Variants in PARVA observed in about 807,000 individuals in gnomAD.
PARVA encodes alpha-parvin.
PARVA carries 25 observed loss-of-function variants against 52.6 expected under a neutral mutation model. That is an observed-to-expected ratio of 0.48 (90% confidence interval 0.35 to 0.66). The LOEUF (loss-of-function observed/expected upper bound fraction) is 0.66. Among genes scored for constraint, PARVA ranks in the 30% least tolerant of loss-of-function variants. The pLI, the probability that PARVA is intolerant of heterozygous loss-of-function variation, is 0.01. For missense variants in PARVA, 373 were observed against 450.9 expected (o/e 0.83, Z 1.56); for synonymous variants, 185 against 179.1 (o/e 1.03, Z -0.26).
chr11:12,446,247 T>C (rs963914145), intron 1 of PARVA, among the ~76,000 whole-genome samples: 3 of 152,142 alleles, frequency 2.0e-5, no homozygotes, highest in Non-Finnish European at 2.9e-5. Context: ...AGTAGACAAT[T>C]CACACAGCTG....
chr11:12,405,416 A>G (rs1939888558), intron 1 of PARVA, among the ~76,000 whole-genome samples: 1 of 152,138 alleles, frequency 6.6e-6, no homozygotes, highest in Non-Finnish European at 1.5e-5. Flanking sequence ...AGTATAAAGA[A>G]AAGCCAGGAG....
chr11:12,488,891 A>G (rs1941196220), intron 4 of PARVA, among the ~76,000 whole-genome samples: 1 of 152,200 alleles, frequency 6.6e-6, no homozygotes, highest in South Asian at 2.1e-4. Context: ...GACCACAAAG[A>G]ACTCCCAGAG....
intron 1 of PARVA, among the ~76,000 whole-genome samples, chr11:12,442,071 C>G (rs1443454237): frequency 1.3e-5 from 2 of 152,206 alleles, no homozygotes; most frequent in East Asian, 3.9e-4. Context: ...CCAATCCAAA[C>G]TTTACTTGAT....
intron 1 of PARVA, among the ~76,000 whole-genome samples, chr11:12,467,942 A>AT (rs1940877436): frequency 6.6e-6 from 1 of 152,126 alleles, no homozygotes; most frequent in African/African-American, 2.4e-5. Flanking sequence ...GCACATTTAT[A>AT]TTCCCTGTGC....
At chr11:12,384,635 A>G (rs1177364238) in intron 1 of PARVA, among the ~76,000 whole-genome samples, 1 of 152,208 alleles carries the variant, frequency 6.6e-6, no homozygotes, top group East Asian at 1.9e-4. Flanking sequence ...TTGAGTCCCA[A>G]TCTGAAGGAA....
intron 8 of PARVA, among the ~76,000 whole-genome samples, chr11:12,512,781 A>G (rs1307544723): frequency 6.6e-6 from 1 of 152,158 alleles, no homozygotes; most frequent in African/African-American, 2.4e-5. Context: ...ACTAAGGCAC[A>G]AAGAGTTGAA....
At chr11:12,423,717 T>C (rs7940867) in intron 1 of PARVA, among the ~76,000 whole-genome samples, 28,159 of 152,144 alleles carry the variant, frequency 0.19, 4,658 homozygotes, top group African/African-American at 0.44. Flanking sequence ...TATTAAATGG[T>C]GATTCCGACA....
chr11:12,385,478 A>G (rs1277810231), intron 1 of PARVA, among the ~76,000 whole-genome samples: 1 of 152,226 alleles, frequency 6.6e-6, no homozygotes, highest in East Asian at 1.9e-4. Context: ...ATCGGTTGGC[A>G]GCTAAGAGTA....
At chr11:12,469,301 C>T (rs1471865650) in intron 1 of PARVA, among the ~76,000 whole-genome samples, 2 of 152,116 alleles carry the variant, frequency 1.3e-5, no homozygotes, top group East Asian at 1.9e-4. Flanking sequence ...CCTTTTCTCA[C>T]GGTGAGCACT....
chr11:12,377,830 C>CA (rs1181853382), intron 1 of PARVA, 47 bp downstream of exon 1: 2 of 1,415,332 alleles, frequency 1.4e-6, no homozygotes, highest in Middle Eastern at 2.0e-4. Context: ...GCCGGGGGTG[C>CA]CGTAGGGGCC....
upstream of PARVA, chr11:12,377,515 T>C: frequency 2.8e-6 from 4 of 1,422,574 alleles, no homozygotes; most frequent in Non-Finnish European, 2.8e-6. Flanking sequence ...AAGGCGAGCG[T>C]GAGCTGCCTC....
At chr11:12,496,425 A>C in intron 4 of PARVA, 33 bp from the exon 5 acceptor site, 1 of 1,594,346 alleles carries the variant, frequency 6.3e-7, no homozygotes, top group Non-Finnish European at 8.5e-7. Flanking sequence ...GGCCCAGCAT[A>C]ACAGCTGTTC....
At chr11:12,422,072 G>A (rs1031583807) in intron 1 of PARVA, among the ~76,000 whole-genome samples, 3 of 152,168 alleles carry the variant, frequency 2.0e-5, no homozygotes, top group Admixed American at 2.0e-4. Flanking sequence ...AATTTGAAAT[G>A]TTTTGCATTT....
At chr11:12,411,036 TAGC>T (rs2134974527) in intron 1 of PARVA, among the ~76,000 whole-genome samples, 1 of 152,318 alleles carries the variant, frequency 6.6e-6, no homozygotes, top group Admixed American at 6.5e-5. Flanking sequence ...GTATGGTACT[TAGC>T]AGAGTACCTG....
chr11:12,483,018 G>A (rs1178595879), intron 4 of PARVA, among the ~76,000 whole-genome samples: 2 of 152,254 alleles, frequency 1.3e-5, no homozygotes, highest in Admixed American at 6.5e-5. Context: ...AGGACTGGCT[G>A]GGTGTTCTCC....
chr11:12,529,415 A>G lies in PARVA; in HGVS notation c.*1490A>G, dbSNP rs556902223. On this transcript the variant is annotated 3_prime_UTR_variant, in exon 13 of 13. Coordinates refer to ENST00000334956, the MANE Select transcript of PARVA (RefSeq NM_018222.5). ...CAGAGATAGAGGTGGGGCTTGTGGT[A>G]CTTAACACTTGTAGCCATCAACTGA... 1 of 152,296 alleles carries G rather than the reference A, an allele frequency of 6.6e-6. No individual in the cohort carries two copies. The highest frequency in any genetic ancestry group is 1.9e-4 in the East Asian group (1 of 5,178). The allele number at this position is 152,296 out of a possible 1,614,324, so 9.4% of individuals were successfully genotyped here.
At chr11:12,516,401 C>G (rs2135081547) in intron 10 of PARVA, among the ~76,000 whole-genome samples, 1 of 152,234 alleles carries the variant, frequency 6.6e-6, no homozygotes, top group Middle Eastern at 3.4e-3. Context: ...TCCCCCCTAC[C>G]TGGAACCCCC....
In PARVA at chr11:12,530,714, C is replaced by G. The variant is rs1015649271; in HGVS notation, c.*2789C>G. On this transcript the variant is annotated 3_prime_UTR_variant, in exon 13 of 13. Coordinates refer to ENST00000334956, the MANE Select transcript of PARVA (RefSeq NM_018222.5). ...AGGATGTCATCTATACTGTCATACA[C>G]TTTGTTTTTTATCACTTAATGTTAT... The G allele has an allele frequency of 3.0e-5, 3 of 99,592 alleles. No individual in the cohort carries two copies. Among genetic ancestry groups the G allele is most frequent in the African/African-American group, 9.3e-5 (3 of 32,312 alleles). The allele number at this position is 99,592 out of a possible 1,614,324, so 6.2% of individuals were successfully genotyped here. A position where few individuals can be genotyped will look rare whatever the true frequency, so the allele number is the denominator to read the frequency against.
At chr11:12,410,390 G>A (rs145483757) in intron 1 of PARVA, among the ~76,000 whole-genome samples, 130 of 152,352 alleles carry the variant, frequency 8.5e-4, no homozygotes, top group African/African-American at 2.9e-3. Context: ...CTCCGGGCCA[G>A]CTGCTCCATC....
Sources: allele counts gnomAD v4.1 joint callset (sites outside exome capture counted in the v4.1 genomes callset), GRCh38; gene constraint gnomAD v4.1.1; transcripts MANE v1.5; gene names NCBI Gene and HGNC (gene_info 2026-07-23, HGNC 2026-07-21).